The following NUP205 variants were observed in gnomAD, a reference collection of about 807,000 sequenced individuals.
NUP205 encodes the protein nuclear pore complex protein Nup205.
Under a neutral mutation model 253.8 loss-of-function variants are expected in NUP205, and 76 were observed. The observed-to-expected ratio is 0.30, with a 90% CI of 0.25 to 0.36. NUP205 has a LOEUF of 0.36. Among genes scored for constraint, NUP205 ranks in the 10% least tolerant of loss-of-function variants. NUP205 has a pLI of 1.00. For synonymous variants in NUP205, 832 were observed against 850.1 expected, an observed-to-expected ratio of 0.98 and a Z score of 0.37; for missense variants, 2,162 against 2,425.5, an observed-to-expected ratio of 0.89 and a Z score of 2.28.
chr7:135,638,338 C>T (rs1309897107), intron 37 of NUP205, among the ~76,000 whole-genome samples: 1 of 150,158 alleles, frequency 6.7e-6, no homozygotes, highest in Non-Finnish European at 1.5e-5. Flanking sequence ...TTGCTTGAAC[C>T]CAAGAGGCAG....
At chr7:135,648,009 C>G (rs1795043419) in intron 42 of NUP205, among the ~76,000 whole-genome samples, 1 of 152,080 alleles carries the variant, frequency 6.6e-6, no homozygotes, top group African/African-American at 2.4e-5. Context: ...TTCCCACCTA[C>G]CCTCCTGTCC....
At chr7:135,590,025 T>C (rs1463880598) in intron 10 of NUP205, among the ~76,000 whole-genome samples, 3 of 151,466 alleles carry the variant, frequency 2.0e-5, no homozygotes, top group South Asian at 4.2e-4. Context: ...GGAATTATTA[T>C]AAGGAATGCC....
chr7:135,607,268 C>T lies in NUP205; in HGVS notation c.3092C>T (p.Thr1031Ile), dbSNP rs759076371. The change falls in exon 22 of 43, where the codon ACA (threonine) becomes ATA (isoleucine). Residue 1031 changes from threonine (T) to isoleucine (I), a missense_variant. This residue lies in a region of NUP205 where 1,144 missense variants were observed against 1,280.9 expected (regional missense o/e 0.89). Coordinates refer to ENST00000285968, the MANE Select transcript of NUP205 (RefSeq NM_015135.3). ...QDPGVLGCPRTCLHAILNILE... is the reference protein window; with the variant it reads ...QDPGVLGCPRICLHAILNILE... ...GCAGGAGTGTTAGGTTGCCCTCGGA[C>T]ATGCCTTCACGCCATTCTAAACATC... The T allele has an allele frequency of 1.9e-6, 3 of 1,614,066 alleles. No homozygotes were observed. The Admixed American group carries it at 5.0e-5, about 27-fold the overall frequency.
At chr7:135,627,791 A>C (rs1463183649) in intron 33 of NUP205, among the ~76,000 whole-genome samples, 182 bp from the exon 34 acceptor site, 3 of 152,288 alleles carry the variant, frequency 2.0e-5, no homozygotes, top group South Asian at 4.1e-4. Context: ...TAACTAAGCT[A>C]TGAGTTTAGG....
intron 4 of NUP205, 98 bp downstream of exon 4, chr7:135,576,512 A>T: frequency 1.0e-6 from 1 of 1,003,476 alleles, no homozygotes; most frequent in Non-Finnish European, 1.5e-6. Context: ...TATGTAACAT[A>T]AGCTGAGTAA....
At chr7:135,589,398 C>T (rs936493884) in intron 10 of NUP205, among the ~76,000 whole-genome samples, 1 of 150,780 alleles carries the variant, frequency 6.6e-6, no homozygotes, top group Admixed American at 6.6e-5. Flanking sequence ...AAGCGATTCT[C>T]CTGTCTCAGC....
At chr7:135,639,224 G>C (rs1794873597) in intron 38 of NUP205, among the ~76,000 whole-genome samples, 1 of 152,092 alleles carries the variant, frequency 6.6e-6, no homozygotes, top group Non-Finnish European at 1.5e-5. Flanking sequence ...TAGTATCTTG[G>C]TGGGGATAAT....
At chr7:135,608,470 G>A (rs918098250) in intron 22 of NUP205, among the ~76,000 whole-genome samples, 2 of 152,188 alleles carry the variant, frequency 1.3e-5, no homozygotes, top group African/African-American at 4.8e-5. Context: ...ACTTTGGGAG[G>A]CTGAGGTGGT....
rs1333947185 is a variant in NUP205, at chr7:135,570,773, A to ATATTAAT, written c.29-329_29-328insTAATTAT. On this transcript the variant is annotated intron_variant, in intron 1 of 42. Coordinates refer to ENST00000285968, the MANE Select transcript of NUP205 (RefSeq NM_015135.3). The stretch of plus-strand genomic sequence containing the variant: ...AATTATATTTATATATTATATTAAT[A>ATATTAAT]TATATTAATTATATTTATATATTAT... Among the ~76,000 whole-genome samples the ATATTAAT allele has an allele frequency of 2.5e-3, 124 of 50,108 alleles. 6 individuals carry two copies. The highest frequency in any genetic ancestry group is 0.022 in the East Asian group (62 of 2,846). 32.9% of individuals were successfully genotyped at this position (50,108 alleles called of 152,430 possible). A position where few individuals can be genotyped will look rare whatever the true frequency, so the allele number is the denominator to read the frequency against.
At position 135,578,283 on chromosome 7, in the gene NUP205, C is replaced by G. The variant is rs529192148; in HGVS notation, c.877+259C>G. 1.1e-4 allele frequency among the ~76,000 whole-genome samples: 16 copies of G among 152,304 alleles called. No homozygotes were observed. The East Asian group carries it at 3.1e-3, about 29-fold the overall frequency. On this transcript the variant is annotated intron_variant, in intron 6 of 42. Coordinates refer to ENST00000285968, the MANE Select transcript of NUP205 (RefSeq NM_015135.3). ...TTATACATGTTCATGATTGCACATG[C>G]CTAATTTACTTAATTGCTTGTTTCT...
intron 7 of NUP205, among the ~76,000 whole-genome samples, chr7:135,579,361 A>G (rs1806244012): frequency 6.6e-6 from 1 of 151,564 alleles, no homozygotes; most frequent in African/African-American, 2.4e-5. Flanking sequence ...CACCTGGCTA[A>G]TTGTGTATTT....
Position 135,637,853 on chromosome 7 carries a change from T to G in NUP205, c.5137-78T>G, listed in dbSNP as rs1934021648. 3.6e-6 allele frequency: 5 copies of G among 1,372,144 alleles called. No homozygotes were observed. The South Asian group carries it at 5.7e-5, about 16-fold the overall frequency. 85.0% of individuals were successfully genotyped at this position (1,372,144 alleles called of 1,614,324 possible). A position where few individuals can be genotyped will look rare whatever the true frequency, so the allele number is the denominator to read the frequency against. On this transcript the variant is annotated intron_variant, in intron 36 of 42. Transcript: ENST00000285968. ...AGGACTGATTCCATTCTCCACTGAG[T>G]TTTTCTTGTTTCTATCCCTCAAGAA... is the stretch of plus-strand genomic sequence containing the variant.
intron 15 of NUP205, among the ~76,000 whole-genome samples, chr7:135,598,602 G>A (rs1793898022): frequency 6.6e-6 from 1 of 152,202 alleles, no homozygotes; most frequent in African/African-American, 2.4e-5. Context: ...ACTGGGTTGT[G>A]GAGTACTGGT....
intron 1 of NUP205, among the ~76,000 whole-genome samples, chr7:135,558,516 C>T (rs1805495893): frequency 6.6e-6 from 1 of 152,058 alleles, no homozygotes; most frequent in Non-Finnish European, 1.5e-5. Flanking sequence ...TGTGGTTAGG[C>T]CCTGGATGTT....
chr7:135,630,501 T>C (rs761161352), intron 35 of NUP205, 31 bp downstream of exon 35: 1 of 1,561,554 alleles, frequency 6.4e-7, no homozygotes, highest in South Asian at 1.2e-5. Flanking sequence ...GGATTTTTAA[T>C]AATTCTTTAA....
chr7:135,632,075 G>C (rs933321130), intron 35 of NUP205, among the ~76,000 whole-genome samples: 6 of 152,002 alleles, frequency 3.9e-5, no homozygotes, highest in Admixed American at 3.9e-4. Flanking sequence ...TTGTACTGAG[G>C]TTCCTTCCCT....
intron 32 of NUP205, 50 bp downstream of exon 32, chr7:135,625,405 G>T: frequency 7.5e-7 from 1 of 1,335,990 alleles, no homozygotes; most frequent in East Asian, 2.5e-5. Flanking sequence ...GTTTTCTCTT[G>T]GCTATAGATG....
intron 3 of NUP205, among the ~76,000 whole-genome samples, chr7:135,574,206 G>T (rs1330272208): frequency 6.6e-6 from 1 of 152,174 alleles, no homozygotes. Context: ...AGACATCTCA[G>T]AAATTTTATA....
chr7:135,610,297 C>T (rs183074003), intron 22 of NUP205, among the ~76,000 whole-genome samples: 10 of 152,206 alleles, frequency 6.6e-5, no homozygotes, highest in African/African-American at 1.4e-4. Flanking sequence ...CTCAGCTCAC[C>T]GCAACCTCCA....
Sources: gnomAD v4.1 joint callset for allele counts (sites outside exome capture counted in the v4.1 genomes callset) on GRCh38, gnomAD v4.1.1 for gene constraint, gnomAD v4.1.1 regional missense constraint, MANE v1.5 for transcripts, NCBI Gene and HGNC (gene_info 2026-07-23, HGNC 2026-07-21) for gene names.